LIMS4: variants seen among roughly 807,000 people sequenced by gnomAD.
The protein encoded by LIMS4 is LIM and senescent cell antigen-like-containing domain protein 4.
chr2:110,367,607 T>C, the LIMS4 span, among the ~76,000 whole-genome samples: 3 of 142,600 alleles, frequency 2.1e-5, 1 homozygote, highest in Non-Finnish European at 4.5e-5. Flanking sequence ...AATGTAAGAC[T>C]TCGAACTATA....
At chr2:110,422,471 C>T in the LIMS4 span, among the ~76,000 whole-genome samples, 2 of 118,826 alleles carry the variant, frequency 1.7e-5, no homozygotes. Flanking sequence ...GACGTATGCA[C>T]CAGAGCTTTT....
the LIMS4 span, among the ~76,000 whole-genome samples, chr2:110,385,275 C>G: frequency 6.6e-6 from 1 of 150,480 alleles, no homozygotes; most frequent in African/African-American, 2.5e-5. Flanking sequence ...AGGTGTAGTC[C>G]TATGACCAGC....
the LIMS4 span, among the ~76,000 whole-genome samples, chr2:110,365,615 TAGA>T: frequency 7.7e-6 from 1 of 129,524 alleles, no homozygotes; most frequent in Non-Finnish European, 1.5e-5. Flanking sequence ...GCATCACACC[TAGA>T]AGAACTAGAA....
chr2:110,367,656 C>T, the LIMS4 span, among the ~76,000 whole-genome samples: 1 of 145,626 alleles, frequency 6.9e-6, no homozygotes, highest in Non-Finnish European at 1.5e-5. Flanking sequence ...GCAGGTGGAT[C>T]ACCTGAGCTA....
the LIMS4 span, among the ~76,000 whole-genome samples, chr2:110,359,658 T>C: frequency 9.8e-6 from 1 of 102,048 alleles, no homozygotes. Context: ...TCAGCTGATT[T>C]TTTTTTCTAT....
chr2:110,367,658 C>A, the LIMS4 span, among the ~76,000 whole-genome samples: 10 of 145,596 alleles, frequency 6.9e-5, no homozygotes, highest in Non-Finnish European at 1.5e-4. Flanking sequence ...AGGTGGATCA[C>A]CTGAGCTAAG....
the LIMS4 span, chr2:110,397,352 A>G: frequency 6.8e-6 from 1 of 146,920 alleles, no homozygotes; most frequent in African/African-American, 2.6e-5. Flanking sequence ...GGTAAATAAC[A>G]AGTTCTGTTC....
chr2:110,368,974 G>C, the LIMS4 span, among the ~76,000 whole-genome samples: 17 of 119,510 alleles, frequency 1.4e-4, 1 homozygote, highest in Non-Finnish European at 2.5e-4. Context: ...AGCATGGAGT[G>C]GCCAAGCACA....
the LIMS4 span, among the ~76,000 whole-genome samples, chr2:110,397,116 C>T: frequency 3.7e-4 from 10 of 27,186 alleles, no homozygotes; most frequent in Admixed American, 4.1e-4. Flanking sequence ...CTCTTCATTG[C>T]TTTCCTGGAT....
chr2:110,407,647 G>A, the LIMS4 span, among the ~76,000 whole-genome samples: 6 of 139,912 alleles, frequency 4.3e-5, no homozygotes, highest in Non-Finnish European at 7.8e-5. Flanking sequence ...AGCCAGGCAT[G>A]GTGGCTCACA....
chr2:110,372,491 G>A, the LIMS4 span, among the ~76,000 whole-genome samples: 2 of 140,458 alleles, frequency 1.4e-5, no homozygotes, highest in Non-Finnish European at 3.0e-5. Context: ...CCTTGCAAAT[G>A]TCTTTTTTAT....
the LIMS4 span, among the ~76,000 whole-genome samples, chr2:110,392,179 G>A: frequency 6.6e-6 from 1 of 151,900 alleles, no homozygotes; most frequent in Non-Finnish European, 1.5e-5. Context: ...CTCCAAACAT[G>A]TGGTTTTACC....
the LIMS4 span, among the ~76,000 whole-genome samples, chr2:110,368,892 GTTTT>G: frequency 4.4e-5 from 6 of 135,110 alleles, no homozygotes; most frequent in African/African-American, 1.8e-4. Flanking sequence ...GTATGTAAAG[GTTTT>G]TTTTTTTTTT....
At chr2:110,373,782 A>T in the LIMS4 span, among the ~76,000 whole-genome samples, 29 of 149,066 alleles carry the variant, frequency 1.9e-4, no homozygotes, top group Non-Finnish European at 3.4e-4. Context: ...GTGGTGGGTG[A>T]TGTCTACCTT....
At chr2:110,367,368 T>C in the LIMS4 span, among the ~76,000 whole-genome samples, 1 of 144,672 alleles carries the variant, frequency 6.9e-6, no homozygotes, top group Non-Finnish European at 1.5e-5. Context: ...ATGGTATTGG[T>C]ACAAAAACAG....
At chr2:110,385,222 C>T in the LIMS4 span, among the ~76,000 whole-genome samples, 109 of 150,592 alleles carry the variant, frequency 7.2e-4, no homozygotes, top group African/African-American at 2.7e-3. Context: ...AACAAACAAA[C>T]AAACAAATAA....
At chr2:110,397,309 G>A in the LIMS4 span, 1 of 140,870 alleles carries the variant, frequency 7.1e-6, no homozygotes, top group East Asian at 2.1e-4. Flanking sequence ...TATTATAGTA[G>A]CTAATTTACT....
At chr2:110,367,714 CA>C in the LIMS4 span, among the ~76,000 whole-genome samples, 4 of 146,906 alleles carry the variant, frequency 2.7e-5, no homozygotes, top group South Asian at 2.1e-4. Flanking sequence ...CCACGTTTAC[CA>C]AAAAAAATAC....
the LIMS4 span, among the ~76,000 whole-genome samples, chr2:110,367,577 C>A: frequency 2.9e-5 from 4 of 137,640 alleles, no homozygotes; most frequent in African/African-American, 1.2e-4. Flanking sequence ...AAAATTAACT[C>A]AAGAGGGATT....
Sources: gnomAD v4.1 joint callset for allele counts (sites outside exome capture counted in the v4.1 genomes callset) on GRCh38, gnomAD v4.1.1 for gene constraint, MANE v1.5 for transcripts, NCBI Gene and HGNC (gene_info 2026-07-23, HGNC 2026-07-21) for gene names.